MYO9A: variants seen among roughly 807,000 people sequenced by gnomAD.
MYO9A encodes the protein unconventional myosin-IXa.
Under a neutral mutation model 293.3 loss-of-function variants are expected in MYO9A, and 103 were observed. The ratio of observed to expected loss-of-function variants is 0.35; its 90% CI spans 0.30 to 0.41. The LOEUF is 0.41. Ranked by LOEUF, MYO9A falls within the 10% of genes least tolerant of loss-of-function variation. The probability of loss-of-function intolerance (pLI) is 1.00; values close to 1 mark genes in which losing one functional copy is unlikely to be tolerated. For missense variants in MYO9A, 2,685 were observed against 3,033.0 expected (o/e 0.89, Z 2.69); for synonymous variants, 1,001 against 1,035.7 (o/e 0.97, Z 0.64).
In MYO9A at chr15:71,826,487, G is replaced by T; in HGVS notation, c.*93C>A. ...AGAAAAGAGGCAGGACCACAATTAGGATTGACTATTGTGGACGAGGTGATG... is the reference window on the plus strand; with the variant it reads ...AGAAAAGAGGCAGGACCACAATTAGTATTGACTATTGTGGACGAGGTGATG... On this transcript the variant is annotated 3_prime_UTR_variant, in exon 42 of 42. Coordinates refer to ENST00000356056, the MANE Select transcript of MYO9A (RefSeq NM_006901.4). 8.2e-7 allele frequency: 1 copy of T among 1,220,672 alleles called. No individual in the cohort carries two copies. The highest frequency in any genetic ancestry group is 1.1e-6 in the Non-Finnish European group (1 of 871,390). 75.6% of individuals were successfully genotyped at this position (1,220,672 alleles called of 1,614,324 possible).
intron 7 of MYO9A, 26 bp from the exon 8 acceptor site, chr15:72,007,978 G>T: frequency 6.3e-7 from 1 of 1,596,672 alleles, no homozygotes; most frequent in Non-Finnish European, 8.5e-7. Flanking sequence ...ACAAATTATA[G>T]CTTAGTTGTG....
rs369781159 is a variant in MYO9A, at chr15:71,893,060, T to C, written c.5142+619A>G. 163 of 1,289,896 alleles carry C rather than the reference T, an allele frequency of 1.3e-4. 2 individuals carry two copies. The East Asian group carries it at 3.9e-3, about 31-fold the overall frequency. The allele number at this position is 1,289,896 out of a possible 1,614,324, so 79.9% of individuals were successfully genotyped here. A position where few individuals can be genotyped will look rare whatever the true frequency, so the allele number is the denominator to read the frequency against. ...TCAAGGGAGAGAAGGGGCTCAATAA[T>C]GTCATCGTAATCATCTTCCTCTGTA... On this transcript the variant is annotated intron_variant, in intron 26 of 41. Coordinates refer to ENST00000356056, the MANE Select transcript of MYO9A (RefSeq NM_006901.4).
chr15:71,867,071 A>G (rs2056352963), intron 32 of MYO9A, among the ~76,000 whole-genome samples: 1 of 137,702 alleles, frequency 7.3e-6, no homozygotes, highest in Non-Finnish European at 1.5e-5. Flanking sequence ...AAAACAAAAA[A>G]CAAAACACAC....
chr15:71,904,995 G>C lies in MYO9A; in HGVS notation c.2697C>G (p.Ser899Arg). The C allele has an allele frequency of 6.2e-7, 1 of 1,600,858 alleles. No individual in the cohort carries two copies. Among genetic ancestry groups the C allele is most frequent in the Non-Finnish European group, 8.5e-7 (1 of 1,171,254 alleles). The change falls in exon 20 of 42, where the codon AGC becomes AGG. Residue 899 changes from serine (S) to arginine (R), a missense_variant. Ser to Arg is a moderately radical substitution (Grantham distance 110, BLOSUM62 -1). Coordinates refer to ENST00000356056, the MANE Select transcript of MYO9A (RefSeq NM_006901.4). ...SISAQFQASL[S>R]KLMETLGQAE... ...CTTGACCAAGTGTTTCCATTAGCTT[G>C]CTTAATGATGCCTGCAACAGAAAGC...
At chr15:71,994,771 T>C (rs887394619) in intron 9 of MYO9A, among the ~76,000 whole-genome samples, 186 bp from the exon 10 acceptor site, 2 of 152,254 alleles carry the variant, frequency 1.3e-5, no homozygotes, top group African/African-American at 4.8e-5. Context: ...TGGCTCTCAT[T>C]GGCCACGCTG....
At chr15:71,956,297 G>A (rs1596276871) in intron 14 of MYO9A, among the ~76,000 whole-genome samples, 2 of 102,940 alleles carry the variant, frequency 1.9e-5, no homozygotes, top group African/African-American at 4.0e-5. Flanking sequence ...GCAACACAGC[G>A]AAACCCGGCT....
chr15:71,879,048 C>T (rs907138741), intron 30 of MYO9A, among the ~76,000 whole-genome samples: 5 of 152,072 alleles, frequency 3.3e-5, no homozygotes, highest in African/African-American at 1.2e-4. Flanking sequence ...AGCCACTGCG[C>T]CCAGCCAAGT....
At chr15:72,051,512 C>T (rs1222638040) in intron 1 of MYO9A, among the ~76,000 whole-genome samples, 2 of 152,186 alleles carry the variant, frequency 1.3e-5, no homozygotes, top group Admixed American at 1.3e-4. Flanking sequence ...GCTGCAGACC[C>T]AGGCATGTCT....
At chr15:71,970,556 G>A (rs1293496483) in intron 12 of MYO9A, among the ~76,000 whole-genome samples, 1 of 152,040 alleles carries the variant, frequency 6.6e-6, no homozygotes, top group Non-Finnish European at 1.5e-5. Flanking sequence ...AGGTAAATGG[G>A]AGAGAAAAAA....
At chr15:71,887,567 C>A (rs2057057840) in intron 27 of MYO9A, among the ~76,000 whole-genome samples, 1 of 152,084 alleles carries the variant, frequency 6.6e-6, no homozygotes, top group African/African-American at 2.4e-5. Flanking sequence ...AGTTTTGTTA[C>A]CTTTGGAAGC....
chr15:71,898,045 C>G lies in MYO9A; in HGVS notation c.4458G>C (p.Val1486=), dbSNP rs763215565. 1.9e-6 allele frequency: 3 copies of G among 1,613,994 alleles called. No individual in the cohort carries two copies. Among genetic ancestry groups the G allele is most frequent in the Admixed American group, 3.3e-5 (2 of 59,982 alleles). The change falls in exon 25 of 42, where the codon GTG becomes GTC. Residue 1486 remains valine, a synonymous_variant. Transcript: ENST00000356056. ...PSLNTESSNP[V]LKKLEKLNTE... ...TGTTTAGCTTTTCTAACTTCTTAAG[C>G]ACAGGATTAGAAGACTCTGTATTCA...
intron 1 of MYO9A, among the ~76,000 whole-genome samples, chr15:72,060,040 G>A (rs1244692177): frequency 6.6e-6 from 1 of 152,112 alleles, no homozygotes; most frequent in African/African-American, 2.4e-5. Context: ...AGTCTTTGAG[G>A]CGAATTACAA....
At chr15:71,860,465 G>A (rs1251653328) in intron 33 of MYO9A, among the ~76,000 whole-genome samples, 1 of 152,166 alleles carries the variant, frequency 6.6e-6, no homozygotes, top group Non-Finnish European at 1.5e-5. Context: ...GGCACATTTA[G>A]AGGAAGGTAT....
In MYO9A at chr15:71,952,191, C is replaced by CA. The variant is rs11430843; in HGVS notation, c.2183-296dup. ...CTCAATACAAGCAAAAATTCAAAAG[C>CA]AATTTGTATGATTTATTTTTTAAAA... is the stretch of plus-strand genomic sequence containing the variant. On this transcript the variant is annotated intron_variant, in intron 14 of 41. Transcript: ENST00000356056. 0.017 allele frequency among the ~76,000 whole-genome samples: 2,625 copies of CA among 152,146 alleles called. 83 individuals carry two copies. The highest frequency in any genetic ancestry group is 0.06 in the African/African-American group (2,500 of 41,494).
Position 72,046,182 on chromosome 15 carries a change from T to C in MYO9A, c.382A>G (p.Thr128Ala). ...TCCATCATCCTGCGACGTTCTTCTG[T>C]TACCCGTAGCCATGACTGCAGGCTA... Reference protein sequence around the residue: ...YGSLQSWLRVTEERRRMMERG... With the variant: ...YGSLQSWLRVAEERRRMMERG... The change falls in exon 2 of 42, where the codon ACA becomes GCA. Residue 128 changes from threonine (T) to alanine (A), a missense_variant. Physicochemically the swap from Thr to Ala is moderately conservative, Grantham distance 58. Around this residue, in one of 10 missense-constraint regions of MYO9A, gnomAD observed 63 missense variants for 57.9 expected, o/e 1.09. Coordinates refer to ENST00000356056, the MANE Select transcript of MYO9A (RefSeq NM_006901.4). 1 of 1,614,142 alleles carries C rather than the reference T, an allele frequency of 6.2e-7. No individual in the cohort carries two copies. The highest frequency in any genetic ancestry group is 8.5e-7 in the Non-Finnish European group (1 of 1,180,028).
In MYO9A at chr15:72,101,003, G is replaced by A. The variant is rs1276569652; in HGVS notation, c.-72+16677C>T. 5.9e-5 allele frequency among the ~76,000 whole-genome samples: 8 copies of A among 134,726 alleles called. 1 individual carries two copies. The highest frequency in any genetic ancestry group is 9.9e-5 in the Non-Finnish European group (6 of 60,824). 88.4% of individuals were successfully genotyped at this position (134,726 alleles called of 152,430 possible). A position where few individuals can be genotyped will look rare whatever the true frequency, so the allele number is the denominator to read the frequency against. ...AGCCCCCCGCCTGGCCAGCCGCCCCGTCCGGGAGGGAGGTAGGCGGGTCAG... is the reference window on the plus strand; with the variant it reads ...AGCCCCCCGCCTGGCCAGCCGCCCCATCCGGGAGGGAGGTAGGCGGGTCAG... On this transcript the variant is annotated intron_variant, in intron 1 of 41. Coordinates refer to ENST00000356056, the MANE Select transcript of MYO9A (RefSeq NM_006901.4).
chr15:72,055,890 G>A (rs2078705462), intron 1 of MYO9A, among the ~76,000 whole-genome samples: 1 of 152,194 alleles, frequency 6.6e-6, no homozygotes, highest in African/African-American at 2.4e-5. Context: ...TTCACTATAT[G>A]TAAAATACAA....
intron 32 of MYO9A, among the ~76,000 whole-genome samples, chr15:71,872,913 T>C (rs2056562165): frequency 6.7e-6 from 1 of 149,560 alleles, no homozygotes; most frequent in African/African-American, 2.5e-5. Context: ...GCCCTTGTAC[T>C]TTTTTTTTTC....
rs147461591 is a variant in MYO9A at position 71,865,721 on chromosome 15, T to C, written c.5980-3110A>G. On this transcript the variant is annotated intron_variant, in intron 32 of 41. Coordinates refer to ENST00000356056, the MANE Select transcript of MYO9A (RefSeq NM_006901.4). ...TTTGGGATAATGTTCTCAAATTATA[T>C]AGTGGTAATGATTGCTTAACATAGT... is the stretch of plus-strand genomic sequence containing the variant. 3.3e-5 allele frequency among the ~76,000 whole-genome samples: 5 copies of C among 152,286 alleles called. No homozygotes were observed. The East Asian group carries it at 7.7e-4, about 23-fold the overall frequency.
Sources: gnomAD v4.1 joint callset for allele counts (sites outside exome capture counted in the v4.1 genomes callset) on GRCh38, gnomAD v4.1.1 for gene constraint, gnomAD v4.1.1 regional missense constraint, MANE v1.5 for transcripts, NCBI Gene and HGNC (gene_info 2026-07-23, HGNC 2026-07-21) for gene names.